SHKBP1: variants seen among roughly 807,000 people sequenced by gnomAD.
SHKBP1 encodes the protein SH3KBP1 binding protein 1.
SHKBP1 carries 71 observed loss-of-function variants against 83.9 expected under a neutral mutation model. The observed-to-expected ratio is 0.85, with a 90% CI of 0.70 to 1.03. The LOEUF (loss-of-function observed/expected upper bound fraction) is 1.03, where lower values mean the gene tolerates loss of function less well. SHKBP1 is among the 50% of genes least tolerant of loss of function. The pLI is 0.00. For synonymous variants in SHKBP1, 371 were observed against 398.0 expected, an observed-to-expected ratio of 0.93 and a Z score of 0.81; for missense variants, 824 against 982.4, an observed-to-expected ratio of 0.84 and a Z score of 2.16.
At chr19:40,577,307 G>A in intron 2 of SHKBP1, 23 bp downstream of exon 2, 1 of 1,614,026 alleles carries the variant, frequency 6.2e-7, no homozygotes, top group Non-Finnish European at 8.5e-7. Context: ...GCGAGTTTGG[G>A]GCGAGGGTAG....
intron 12 of SHKBP1, among the ~76,000 whole-genome samples, chr19:40,585,090 G>T (rs908054964): frequency 6.6e-6 from 1 of 151,818 alleles, no homozygotes; most frequent in Non-Finnish European, 1.5e-5. Context: ...TATGTATGGT[G>T]TGAAGCAGGG....
chr19:40,588,998 G>A (rs1333993526), intron 14 of SHKBP1, 84 bp from the exon 15 acceptor site: 6 of 1,434,360 alleles, frequency 4.2e-6, no homozygotes, highest in Middle Eastern at 1.9e-4. Context: ...GGGGTCTTGG[G>A]GTGGTGGGTT....
chr19:40,579,802 T>C (rs952972522), intron 6 of SHKBP1, among the ~76,000 whole-genome samples: 2 of 151,912 alleles, frequency 1.3e-5, no homozygotes, highest in Non-Finnish European at 2.9e-5. Context: ...GAGGCTGAGG[T>C]GGGTGGATCA....
Position 40,591,156 on chromosome 19 carries a change from C to G in SHKBP1, c.2073C>G (p.Leu691=), listed in dbSNP as rs376959424. Residue 691 remains leucine (L), a synonymous_variant, in exon 18 of 18, where the codon CTC becomes CTG. Coordinates refer to ENST00000291842, the MANE Select transcript of SHKBP1 (RefSeq NM_138392.4). The part of the protein sequence containing the change: ...PTPAPWPSSG[L]GTPLTPPKMK... ...CAGCCCCGTGGCCCTCCAGCGGTCT[C>G]GGCACTCCCCTCACACCTCCCAAGA... is the stretch of plus-strand genomic sequence containing the variant. 2 of 1,603,012 alleles carry G rather than the reference C, an allele frequency of 1.2e-6. No individual in the cohort carries two copies. The highest frequency in any genetic ancestry group is 1.7e-6 in the Non-Finnish European group (2 of 1,171,074).
chr19:40,587,030 A>T (rs1431891422), intron 13 of SHKBP1, 86 bp downstream of exon 13: 1 of 1,284,060 alleles, frequency 7.8e-7, no homozygotes, highest in East Asian at 2.4e-5. Flanking sequence ...TCCACTGGGG[A>T]GGGACATTGT....
At chr19:40,583,550 G>C (rs1442438389) in intron 11 of SHKBP1, 51 bp from the exon 12 acceptor site, 1 of 1,611,084 alleles carries the variant, frequency 6.2e-7, no homozygotes, top group Admixed American at 1.7e-5. Context: ...GGGAGGGAGA[G>C]AGGCTGGGGC....
chr19:40,580,773 G>A lies in SHKBP1; in HGVS notation c.681G>A (p.Leu227=). The A allele has an allele frequency of 6.2e-7, 1 of 1,611,044 alleles. No individual in the cohort carries two copies. Among genetic ancestry groups the A allele is most frequent in the Non-Finnish European group, 8.5e-7 (1 of 1,178,146 alleles). The change falls in exon 9 of 18, where the codon CTG becomes CTA. Residue 227 remains leucine (L), a synonymous_variant. Transcript: ENST00000291842. ...TGAAGGAAGCCTCTGGCTGGCAGCT[G>A]GTGTTTTCCAGCCCCCGCCTGGACT... ...YRLKEASGWQ[L]VFSSPRLDWP...
intron 12 of SHKBP1, 114 bp from the exon 13 acceptor site, chr19:40,586,660 C>A: frequency 1.8e-6 from 2 of 1,108,120 alleles, no homozygotes; most frequent in Non-Finnish European, 1.2e-6. Flanking sequence ...GCCACCGTGC[C>A]CGGCCTCTCC....
At chr19:40,578,260 T>C in intron 5 of SHKBP1, 48 bp downstream of exon 5, 1 of 1,573,184 alleles carries the variant, frequency 6.4e-7, no homozygotes, top group Non-Finnish European at 8.7e-7. Flanking sequence ...GAAAACCAAC[T>C]CTGTGATGCT....
chr19:40,581,502 G>A (rs2081269363), intron 9 of SHKBP1, among the ~76,000 whole-genome samples: 2 of 149,584 alleles, frequency 1.3e-5, no homozygotes, highest in Admixed American at 1.3e-4. Context: ...GCGACAGAGT[G>A]GACAGAGTGA....
rs763242951 is a variant in SHKBP1, at chr19:40,591,157, G to T, written c.2074G>T (p.Gly692Cys). 5 of 1,602,874 alleles carry T rather than the reference G, an allele frequency of 3.1e-6. No homozygotes were observed. The highest frequency in any genetic ancestry group is 1.7e-4 in the Middle Eastern group (1 of 6,054). Residue 692 changes from glycine to cysteine, a missense_variant, in exon 18 of 18, where the codon GGC becomes TGC. Coordinates refer to ENST00000291842, the MANE Select transcript of SHKBP1 (RefSeq NM_138392.4). Reference protein sequence around the residue: ...TPAPWPSSGLGTPLTPPKMKL... With the variant: ...TPAPWPSSGLCTPLTPPKMKL... ...AGCCCCGTGGCCCTCCAGCGGTCTC[G>T]GCACTCCCCTCACACCTCCCAAGAT...
chr19:40,590,237 C>T lies in SHKBP1; in HGVS notation c.1590-7C>T. On this transcript the variant is annotated splice_polypyrimidine_tract_variant and splice_region_variant and intron_variant, in intron 15 of 17. Coordinates refer to ENST00000291842, the MANE Select transcript of SHKBP1 (RefSeq NM_138392.4). This position sits in a 1 kb window ranked among gnomAD's most constrained non-coding sequence, Gnocchi z 4.6. ...AGGGTGACCACCTCCCCCACTGCAC[C>T]CCCCAGGGTGTGCTCCGTGCGCTCC... 6.4e-7 allele frequency: 1 copy of T among 1,565,838 alleles called. No individual in the cohort carries two copies. Among genetic ancestry groups the T allele is most frequent in the Non-Finnish European group, 8.6e-7 (1 of 1,156,310 alleles).
chr19:40,586,683 T>C, intron 12 of SHKBP1, 91 bp from the exon 13 acceptor site: 6 of 1,267,378 alleles, frequency 4.7e-6, no homozygotes, highest in Non-Finnish European at 6.2e-6. Flanking sequence ...GCTTTCTGAC[T>C]GTGTCTCTGT....
In SHKBP1 at chr19:40,577,250, ACT is replaced by A. The variant is rs1334052497; in HGVS notation, c.110_111del (p.Leu37HisfsTer22). On this transcript the variant is annotated frameshift_variant, in exon 2 of 18. Transcript: ENST00000291842. LOFTEE classifies it high-confidence loss of function. Reference sequence around the variant, plus strand: ...GCCCAGATTCAGTACCTCTCGCCAGACTCTCACCTGGATCCCAGACTCCTTCT... The same window carrying A: ...GCCCAGATTCAGTACCTCTCGCCAGACTCACCTGGATCCCAGACTCCTTCT... ...GGKRFSTSRQTLTWIPDSFFS... is the reference protein window; with the variant it reads ...GGKRFSTSRQXLTWIPDSFFS... 2 of 1,613,586 alleles carry A rather than the reference ACT, an allele frequency of 1.2e-6. No individual in the cohort carries two copies. The highest frequency in any genetic ancestry group is 1.1e-5 in the South Asian group (1 of 91,050).
rs760397810 is a variant in SHKBP1, at chr19:40,590,689, A to T, written c.1769-41A>T. 2 of 1,539,154 alleles carry T rather than the reference A, an allele frequency of 1.3e-6. No homozygotes were observed. The highest frequency in any genetic ancestry group is 1.9e-5 in the Admixed American group (1 of 53,018). ...ATGCAACCCAGGCCCTTGCCCTATG[A>T]CCCCTGTCTTGCCCCCTGACCCTGC... On this transcript the variant is annotated intron_variant, in intron 16 of 17. Coordinates refer to ENST00000291842, the MANE Select transcript of SHKBP1 (RefSeq NM_138392.4). The surrounding 1 kb of genome is among the most constrained non-coding windows in gnomAD (Gnocchi z 4.6).
At chr19:40,587,396 C>T (rs553004451) in intron 13 of SHKBP1, among the ~76,000 whole-genome samples, 1 of 152,222 alleles carries the variant, frequency 6.6e-6, no homozygotes, top group Non-Finnish European at 1.5e-5. Context: ...TCGAGACCAG[C>T]CTGGCCAACA....
At chr19:40,578,265 G>A in intron 5 of SHKBP1, 53 bp downstream of exon 5, 6 of 1,564,332 alleles carry the variant, frequency 3.8e-6, no homozygotes, top group Non-Finnish European at 4.4e-6. Context: ...CCAACTCTGT[G>A]ATGCTACCTG....
Position 40,590,171 on chromosome 19 carries a change from C to T in SHKBP1, c.1590-73C>T. 1 of 1,441,816 alleles carries T rather than the reference C, an allele frequency of 6.9e-7. No homozygotes were observed. The highest frequency in any genetic ancestry group is 2.4e-5 in the Admixed American group (1 of 41,854). 89.3% of individuals were successfully genotyped at this position (1,441,816 alleles called of 1,614,324 possible). ...GCCCCTGGAGAGGCAGGAACTGCAG[C>T]CACAGTGGTGGGGACTGGGACGAGG... On this transcript the variant is annotated intron_variant, in intron 15 of 17. Coordinates refer to ENST00000291842, the MANE Select transcript of SHKBP1 (RefSeq NM_138392.4). This position sits in a 1 kb window ranked among gnomAD's most constrained non-coding sequence, Gnocchi z 4.6.
At chr19:40,584,816 T>G (rs1191788961) in intron 12 of SHKBP1, among the ~76,000 whole-genome samples, 2 of 152,214 alleles carry the variant, frequency 1.3e-5, no homozygotes, top group African/African-American at 4.8e-5. Flanking sequence ...AGAGACTGGG[T>G]TACGCCACGT....
Sources: gnomAD v4.1 joint callset for allele counts (sites outside exome capture counted in the v4.1 genomes callset) on GRCh38, gnomAD v4.1.1 for gene constraint, Gnocchi (gnomAD v3.1) non-coding constraint, MANE v1.5 for transcripts, NCBI Gene and HGNC (gene_info 2026-07-23, HGNC 2026-07-21) for gene names.